NBAS: variants seen among roughly 807,000 people sequenced by gnomAD.
NBAS encodes NBAS subunit of NRZ tethering complex, also known as NAG/BC035112 fusion.
A neutral mutation model predicts 302.5 loss-of-function variants in NBAS; 219 were observed. The ratio of observed to expected loss-of-function variants is 0.72; its 90% CI spans 0.65 to 0.81. The LOEUF is 0.81. Ranked by LOEUF, NBAS falls within the 30% of genes least tolerant of loss-of-function variation. The pLI is 0.00. For synonymous variants in NBAS, 1,118 were observed against 1,021.6 expected, an observed-to-expected ratio of 1.09 and a Z score of -1.80; for missense variants, 2,932 against 2,841.6, an observed-to-expected ratio of 1.03 and a Z score of -0.72.
intron 48 of NBAS, among the ~76,000 whole-genome samples, chr2:15,201,443 C>T (rs1394318388): frequency 6.6e-6 from 1 of 152,182 alleles, no homozygotes; most frequent in East Asian, 1.9e-4. Context: ...ATTAATATCT[C>T]TGTGGAAGGG....
intron 32 of NBAS, among the ~76,000 whole-genome samples, chr2:15,363,219 A>G (rs1036050519): frequency 4.6e-5 from 7 of 152,168 alleles, no homozygotes; most frequent in Non-Finnish European, 1.0e-4. Flanking sequence ...AGACTTGCTT[A>G]GCCAATCCCC....
the NBAS span, among the ~76,000 whole-genome samples, chr2:15,003,923 G>A: frequency 4.7e-4 from 72 of 152,252 alleles, no homozygotes; most frequent in Middle Eastern, 6.8e-3. Flanking sequence ...TCAGAAAATC[G>A]GCTTTACTCT....
chr2:14,984,214 G>C, the NBAS span, among the ~76,000 whole-genome samples: 48 of 152,050 alleles, frequency 3.2e-4, no homozygotes, highest in African/African-American at 1.1e-3. Flanking sequence ...CTTTTCTCTA[G>C]TTTCATCCTT....
At chr2:14,781,026 T>C in the NBAS span, among the ~76,000 whole-genome samples, 2 of 152,018 alleles carry the variant, frequency 1.3e-5, no homozygotes, top group Non-Finnish European at 2.9e-5. Flanking sequence ...GACAGAAAAA[T>C]TTCATGAAAT....
the NBAS span, among the ~76,000 whole-genome samples, chr2:15,105,720 C>T: frequency 1.3e-5 from 2 of 152,226 alleles, 1 homozygote; most frequent in African/African-American, 4.8e-5. Context: ...TTAGGCACAA[C>T]CACAATTCTC....
intron 42 of NBAS, among the ~76,000 whole-genome samples, chr2:15,286,378 A>T (rs1670043719): frequency 6.6e-6 from 1 of 152,172 alleles, no homozygotes; most frequent in Non-Finnish European, 1.5e-5. Context: ...ATCCTTAACT[A>T]ACCTTCTATT....
the NBAS span, among the ~76,000 whole-genome samples, chr2:14,883,165 T>A: frequency 2.6e-5 from 4 of 152,206 alleles, no homozygotes; most frequent in Admixed American, 2.6e-4. Flanking sequence ...TTAGTTGGGA[T>A]AAAGAAAATG....
At chr2:14,925,092 C>T in the NBAS span, among the ~76,000 whole-genome samples, 2 of 152,290 alleles carry the variant, frequency 1.3e-5, no homozygotes, top group East Asian at 3.9e-4. Flanking sequence ...CAGGTGTGTT[C>T]CCCAAGGAAT....
At chr2:14,784,124 G>A in the NBAS span, among the ~76,000 whole-genome samples, 1 of 152,092 alleles carries the variant, frequency 6.6e-6, no homozygotes, top group Non-Finnish European at 1.5e-5. Context: ...GTCTTCTTTT[G>A]AGAAGTGTCT....
chr2:15,210,408 A>C (rs1666353028), intron 48 of NBAS, among the ~76,000 whole-genome samples: 1 of 152,230 alleles, frequency 6.6e-6, no homozygotes, highest in South Asian at 2.1e-4. Context: ...ATGCAAATCA[A>C]AACTACAATG....
At chr2:15,336,624 G>A (rs565281283) in intron 35 of NBAS, among the ~76,000 whole-genome samples, 2 of 152,136 alleles carry the variant, frequency 1.3e-5, no homozygotes, top group African/African-American at 2.4e-5. Context: ...CAGCTACTCC[G>A]GAGCCTGAAG....
At chr2:15,030,063 C>A in the NBAS span, among the ~76,000 whole-genome samples, 1 of 152,176 alleles carries the variant, frequency 6.6e-6, no homozygotes, top group African/African-American at 2.4e-5. Context: ...AGTCTCACAG[C>A]CTCCACAGCT....
the NBAS span, among the ~76,000 whole-genome samples, chr2:15,074,174 T>A: frequency 6.6e-6 from 1 of 152,088 alleles, no homozygotes; most frequent in Admixed American, 6.6e-5. Context: ...ATTTAAGCAA[T>A]GTTAAAGGAA....
rs768054405 is a variant in NBAS at position 15,292,706 on chromosome 2, C to T, written c.4858G>A (p.Ala1620Thr). The change falls in exon 41 of 52, where the codon GCC becomes ACC. Residue 1620 changes from alanine to threonine, a missense_variant. By Grantham distance (58) the Ala-to-Thr change is moderately conservative (BLOSUM62 0). Coordinates refer to ENST00000281513, the MANE Select transcript of NBAS (RefSeq NM_015909.4). Reference protein sequence around the residue: ...TRHVTRHEHEAWPEDLISLTK... With the variant: ...TRHVTRHEHETWPEDLISLTK... ...AGTGAAATAAGGTCTTCAGGCCAGG[C>T]TTCGTGCTCATGTCGAGTCACATGC... 1.2e-6 allele frequency: 2 copies of T among 1,614,084 alleles called. No homozygotes were observed. The highest frequency in any genetic ancestry group is 2.7e-5 in the African/African-American group (2 of 74,930).
chr2:14,880,505 C>T, the NBAS span, among the ~76,000 whole-genome samples: 10 of 151,438 alleles, frequency 6.6e-5, no homozygotes, highest in Non-Finnish European at 8.8e-5. Context: ...GAAACATGAA[C>T]GAACTAAAGA....
chr2:15,244,556 T>G (rs1259849762), intron 44 of NBAS, among the ~76,000 whole-genome samples: 1 of 152,138 alleles, frequency 6.6e-6, no homozygotes, highest in Non-Finnish European at 1.5e-5. Context: ...CTTTCCAAGG[T>G]GAGCGCTTAA....
At chr2:14,931,226 G>A in the NBAS span, among the ~76,000 whole-genome samples, 5 of 152,342 alleles carry the variant, frequency 3.3e-5, no homozygotes, top group South Asian at 6.2e-4. Context: ...GGCTGAGGGA[G>A]CCATGGGAAT....
At chr2:14,985,047 A>G in the NBAS span, among the ~76,000 whole-genome samples, 4 of 152,236 alleles carry the variant, frequency 2.6e-5, no homozygotes, top group African/African-American at 9.6e-5. Context: ...AAATAAAGGC[A>G]TAAGTGAGAA....
the NBAS span, among the ~76,000 whole-genome samples, chr2:15,107,140 T>G: frequency 2.6e-5 from 4 of 152,108 alleles, no homozygotes; most frequent in Admixed American, 2.0e-4. Flanking sequence ...ATAGGGTTCT[T>G]AGGAGACAAT....
Sources: allele counts gnomAD v4.1 joint callset (sites outside exome capture counted in the v4.1 genomes callset), GRCh38; gene constraint gnomAD v4.1.1; transcripts MANE v1.5; gene names NCBI Gene and HGNC (gene_info 2026-07-23, HGNC 2026-07-21).